WDFY3: variants seen among roughly 807,000 people sequenced by gnomAD.
The protein encoded by WDFY3 is WD repeat and FYVE domain containing 3, also known as WD repeat and FYVE domain-containing protein 3.
In WDFY3, 66 loss-of-function variants were observed where a neutral mutation model predicts 409.6. That is an observed-to-expected ratio of 0.16 (90% CI 0.13 to 0.20). The LOEUF (loss-of-function observed/expected upper bound fraction) is 0.20. Ranked by LOEUF, WDFY3 falls within the 10% of genes least tolerant of loss-of-function variation. The probability of loss-of-function intolerance (pLI) is 1.00; values close to 1 mark genes in which losing one functional copy is unlikely to be tolerated. For missense variants in WDFY3, 3,031 were observed against 4,298.1 expected (o/e 0.71, Z 8.24); for synonymous variants, 1,521 against 1,537.1 (o/e 0.99, Z 0.25).
chr4:84,734,573 A>G (rs1336716439), intron 43 of WDFY3, among the ~76,000 whole-genome samples: 1 of 152,226 alleles, frequency 6.6e-6, no homozygotes, highest in Non-Finnish European at 1.5e-5. Context: ...GAGAATTTCA[A>G]TAAATTTATT....
At chr4:84,866,775 G>A (rs574065156) in intron 3 of WDFY3, among the ~76,000 whole-genome samples, 10 of 152,262 alleles carry the variant, frequency 6.6e-5, no homozygotes, top group South Asian at 6.2e-4. Context: ...TCATTCCTTC[G>A]TTACTTGTGC....
chr4:84,888,387 T>C (rs958039172), intron 3 of WDFY3, among the ~76,000 whole-genome samples: 1 of 152,180 alleles, frequency 6.6e-6, no homozygotes, highest in African/African-American at 2.4e-5. Context: ...AACACAGCAA[T>C]GTATTATGTC....
chr4:84,936,408 G>A (rs1771416984), intron 1 of WDFY3, among the ~76,000 whole-genome samples: 1 of 151,936 alleles, frequency 6.6e-6, no homozygotes, highest in South Asian at 2.1e-4. Flanking sequence ...GTAGTCCTAG[G>A]TACTTAGGAG....
At chr4:84,927,768 T>G (rs1770198179) in intron 2 of WDFY3, among the ~76,000 whole-genome samples, 1 of 152,244 alleles carries the variant, frequency 6.6e-6, no homozygotes, top group African/African-American at 2.4e-5. Flanking sequence ...GATTGTAAGT[T>G]TCCTGAGGCC....
At position 84,702,354 on chromosome 4, in the gene WDFY3, T is replaced by G. The variant is rs779523060; in HGVS notation, c.8595A>C (p.Leu2865=). ...AGACAGTGCCATAGCTCTACGTACCTAGATCAAAGTTGTTGGAATTGAACA... is the reference window on the plus strand; with the variant it reads ...AGACAGTGCCATAGCTCTACGTACCGAGATCAAAGTTGTTGGAATTGAACA... ...EFLFNSNNFD[L]GCKQNGTKLG... Residue 2865 remains leucine (L), a splice_region_variant and synonymous_variant, in exon 56 of 68, where the codon CTA becomes CTC. Transcript: ENST00000295888. 1 of 1,605,734 alleles carries G rather than the reference T, an allele frequency of 6.2e-7. No homozygotes were observed. Among genetic ancestry groups the G allele is most frequent in the Non-Finnish European group, 8.5e-7 (1 of 1,176,476 alleles).
At chr4:84,820,261 ATTTC>A (rs1753868698) in intron 11 of WDFY3, 75 bp from the exon 12 acceptor site, 43 of 1,182,784 alleles carry the variant, frequency 3.6e-5, no homozygotes, top group Non-Finnish European at 5.0e-5. Context: ...TACTGTAATA[ATTTC>A]TTTATTTCTT....
At position 84,796,479 on chromosome 4, in the gene WDFY3, C is replaced by A. The variant is rs753507663; in HGVS notation, c.3167+42G>T. On this transcript the variant is annotated intron_variant, in intron 19 of 67. Transcript: ENST00000295888. ...GATCTATTTGTAAAGGCAAGTATGA[C>A]GCATAAAACCATAAAGGTTGGCTTC... 8.5e-6 allele frequency: 11 copies of A among 1,297,556 alleles called. 1 individual carries two copies. In the South Asian group the frequency reaches 1.8e-4, roughly 21 times the overall value. The allele number at this position is 1,297,556 out of a possible 1,614,324, so 80.4% of individuals were successfully genotyped here. A position where few individuals can be genotyped will look rare whatever the true frequency, so the allele number is the denominator to read the frequency against.
intron 3 of WDFY3, among the ~76,000 whole-genome samples, chr4:84,861,582 AT>A (rs1349073539): frequency 2.0e-5 from 3 of 152,218 alleles, no homozygotes; most frequent in Non-Finnish European, 2.9e-5. Flanking sequence ...ATGTTAAATC[AT>A]TTAGTGGATA....
At chr4:84,786,618 C>G (rs1747599661) in intron 23 of WDFY3, among the ~76,000 whole-genome samples, 1 of 152,176 alleles carries the variant, frequency 6.6e-6, no homozygotes, top group East Asian at 1.9e-4. Context: ...GAGTTTGAAT[C>G]TTGCTTTATC....
chr4:84,795,013 T>A lies in WDFY3; in HGVS notation c.3168-34A>T, dbSNP rs1432781113. On this transcript the variant is annotated intron_variant, in intron 19 of 67. Transcript: ENST00000295888. ...GAAAAGACAACATACATATTAGAGA[T>A]CAATGACTCCTTCTCTTAACACTGT... The A allele has an allele frequency of 2.1e-6, 3 of 1,443,654 alleles. No homozygotes were observed. In the South Asian group the frequency reaches 4.8e-5, roughly 23 times the overall value. 89.4% of individuals were successfully genotyped at this position (1,443,654 alleles called of 1,614,324 possible).
chr4:84,833,757 T>C (rs987558551), intron 7 of WDFY3, among the ~76,000 whole-genome samples: 1 of 150,630 alleles, frequency 6.6e-6, no homozygotes, highest in African/African-American at 2.4e-5. Flanking sequence ...CGAAGCTCAA[T>C]AGAGAGAGGT....
Position 84,704,395 on chromosome 4 carries a change from A to T in WDFY3, c.8385T>A (p.Ile2795=), listed in dbSNP as rs199518075. The change falls in exon 55 of 68, where the codon ATT becomes ATA. Residue 2795 remains isoleucine, a synonymous_variant. Coordinates refer to ENST00000295888, the MANE Select transcript of WDFY3 (RefSeq NM_014991.6). The stretch of plus-strand genomic sequence containing the variant: ...CCATCCTTACAAGGTATGAGGCCAC[A>T]ATCATTGCAGATGAATAGTGGGTCC... ...HYGTHYSSAM[I]VASYLVRMEP... is the part of the protein sequence containing the mutation. 319 of 1,613,428 alleles carry T rather than the reference A, an allele frequency of 2.0e-4. 1 individual carries two copies. The East Asian group carries it at 6.7e-3, about 34-fold the overall frequency.
At chr4:84,706,410 C>T (rs552115344) in intron 53 of WDFY3, among the ~76,000 whole-genome samples, 1 of 151,794 alleles carries the variant, frequency 6.6e-6, no homozygotes, top group Non-Finnish European at 1.5e-5. Context: ...TACAAAGTAC[C>T]AGGTGTCATC....
chr4:84,848,305 G>T (rs1758399731), intron 5 of WDFY3, among the ~76,000 whole-genome samples: 1 of 151,530 alleles, frequency 6.6e-6, no homozygotes, highest in Admixed American at 6.6e-5. Context: ...AATCTACGTA[G>T]CTTTCGATTT....
At chr4:84,679,639 T>G (rs1046102697) in intron 64 of WDFY3, among the ~76,000 whole-genome samples, 6 of 152,086 alleles carry the variant, frequency 3.9e-5, no homozygotes, top group African/African-American at 1.4e-4. Flanking sequence ...GACCCATCTT[T>G]CCAATCTCTG....
intron 59 of WDFY3, among the ~76,000 whole-genome samples, chr4:84,692,328 C>T (rs1040105409): frequency 3.3e-5 from 5 of 151,998 alleles, no homozygotes; most frequent in South Asian, 2.1e-4. Flanking sequence ...TAGAATGGCA[C>T]ACAAGTTAAC....
intron 44 of WDFY3, among the ~76,000 whole-genome samples, chr4:84,729,805 T>G (rs1736284820): frequency 6.6e-6 from 1 of 152,162 alleles, no homozygotes; most frequent in Non-Finnish European, 1.5e-5. Flanking sequence ...AAGGAAATGT[T>G]ACTGAGAAAT....
intron 22 of WDFY3, 124 bp from the exon 23 acceptor site, chr4:84,787,837 G>A: frequency 1.1e-6 from 1 of 887,856 alleles, no homozygotes; most frequent in Non-Finnish European, 1.7e-6. Flanking sequence ...AAAAACATTT[G>A]GGGTGGAGAA....
rs537746352 is a variant in WDFY3, at chr4:84,947,053, C to T, written c.-225-14690G>A. The stretch of plus-strand genomic sequence containing the variant: ...CGATCTCCTGACCTTGTGATCCACC[C>T]GCCTCGGCCTCCCAAAGTGCTGGGA... On this transcript the variant is annotated intron_variant, in intron 1 of 67. Transcript: ENST00000295888. 7.2e-4 allele frequency among the ~76,000 whole-genome samples: 109 copies of T among 151,538 alleles called. 1 individual carries two copies. The East Asian group carries it at 0.017, about 23-fold the overall frequency.
Sources: gnomAD v4.1 joint callset for allele counts (sites outside exome capture counted in the v4.1 genomes callset) on GRCh38, gnomAD v4.1.1 for gene constraint, MANE v1.5 for transcripts, NCBI Gene and HGNC (gene_info 2026-07-23, HGNC 2026-07-21) for gene names.